RIMS2: variants seen among roughly 807,000 people sequenced by gnomAD.
RIMS2 encodes regulating synaptic membrane exocytosis 2.
A neutral mutation model predicts 174.4 loss-of-function variants in RIMS2; 59 were observed. The ratio of observed to expected loss-of-function variants is 0.34; its 90% CI spans 0.27 to 0.42. The LOEUF (loss-of-function observed/expected upper bound fraction) is 0.42. Ranked by LOEUF, RIMS2 falls within the 10% of genes least tolerant of loss-of-function variation. The probability of loss-of-function intolerance (pLI) is 1.00; values close to 1 mark genes in which losing one functional copy is unlikely to be tolerated. For synonymous variants in RIMS2, 606 were observed against 572.5 expected, an observed-to-expected ratio of 1.06 and a Z score of -0.84; for missense variants, 1,620 against 1,666.3, an observed-to-expected ratio of 0.97 and a Z score of 0.48.
At chr8:104,036,142 T>C (rs1335734035) in intron 19 of RIMS2, among the ~76,000 whole-genome samples, 1 of 79,600 alleles carries the variant, frequency 1.3e-5, no homozygotes. Flanking sequence ...ATTTTATTTA[T>C]TTATTTATTT....
intron 1 of RIMS2, 148 bp downstream of exon 2, chr8:103,652,385 T>A: frequency 2.1e-6 from 1 of 480,830 alleles, no homozygotes; most frequent in Non-Finnish European, 3.7e-6. Flanking sequence ...GAGAGCTGCT[T>A]GCAGCTTCTT....
At chr8:104,036,616 T>C (rs1203334483) in intron 19 of RIMS2, among the ~76,000 whole-genome samples, 1 of 151,938 alleles carries the variant, frequency 6.6e-6, no homozygotes, top group Admixed American at 6.6e-5. Flanking sequence ...CAAGAGCTCA[T>C]ACCTGTAATC....
At chr8:103,754,438 A>C (rs1157086219) in intron 2 of RIMS2, among the ~76,000 whole-genome samples, 1 of 152,184 alleles carries the variant, frequency 6.6e-6, no homozygotes, top group Non-Finnish European at 1.5e-5. Context: ...GTAGATGTCT[A>C]TTAAGTCCGC....
At chr8:103,886,223 G>A in exon 4 of RIMS2, 1 of 1,603,506 alleles carries the variant, frequency 6.2e-7, no homozygotes, top group Admixed American at 1.7e-5. Flanking sequence ...AAGTGAAAAA[G>A]GTAAGCTTTC....
intron 1 of RIMS2, among the ~76,000 whole-genome samples, chr8:103,689,450 G>A (rs1319785334): frequency 6.6e-6 from 1 of 152,016 alleles, no homozygotes; most frequent in Non-Finnish European, 1.5e-5. Flanking sequence ...GCTGAAAGTG[G>A]GGTTTTGAAG....
intron 3 of RIMS2, among the ~76,000 whole-genome samples, chr8:103,816,442 A>G (rs1189553849): frequency 6.6e-6 from 1 of 152,340 alleles, no homozygotes; most frequent in Non-Finnish European, 1.5e-5. Flanking sequence ...GAATGAGACA[A>G]GAATGCAGGA....
intron 1 of RIMS2, among the ~76,000 whole-genome samples, chr8:103,556,924 C>T (rs923487002): frequency 1.2e-4 from 19 of 152,058 alleles, no homozygotes; most frequent in Middle Eastern, 3.4e-3. Context: ...TGGATCATGG[C>T]GGGGACCTAA....
intron 2 of RIMS2, among the ~76,000 whole-genome samples, chr8:103,697,512 T>C (rs985536237): frequency 6.0e-5 from 9 of 148,762 alleles, no homozygotes; most frequent in Non-Finnish European, 1.2e-4. Context: ...AGTTCTAGAC[T>C]ATCTTGGGCA....
chr8:103,575,087 A>G (rs2132510980), intron 1 of RIMS2, among the ~76,000 whole-genome samples: 1 of 152,336 alleles, frequency 6.6e-6, no homozygotes, highest in Non-Finnish European at 1.5e-5. Context: ...TAAAACTCAC[A>G]CAAATCAGTA....
intron 1 of RIMS2, among the ~76,000 whole-genome samples, chr8:103,552,131 T>C: frequency 6.6e-6 from 1 of 151,886 alleles, no homozygotes; most frequent in Non-Finnish European, 1.5e-5. Flanking sequence ...CAAAAAAGAT[T>C]CCATATTGGC....
At chr8:103,906,416 T>C (rs1331944492) in intron 4 of RIMS2, among the ~76,000 whole-genome samples, 8 of 152,112 alleles carry the variant, frequency 5.3e-5, no homozygotes, top group Admixed American at 3.3e-4. Flanking sequence ...CAGCTAGTTT[T>C]CGTATTTTTA....
intron 1 of RIMS2, among the ~76,000 whole-genome samples, chr8:103,648,926 T>G (rs925722455): frequency 2.6e-5 from 4 of 152,204 alleles, no homozygotes; most frequent in Non-Finnish European, 5.9e-5. Context: ...ATTGGGGCAT[T>G]TAGCCCATTT....
intron 1 of RIMS2, among the ~76,000 whole-genome samples, chr8:103,546,701 GA>G (rs1331453122): frequency 1.3e-5 from 2 of 152,128 alleles, no homozygotes; most frequent in Non-Finnish European, 2.9e-5. Context: ...ACAGCTCAAT[GA>G]AAATAGAAAT....
chr8:104,224,762 A>C (rs764487452), intron 19 of RIMS2, among the ~76,000 whole-genome samples: 22 of 152,174 alleles, frequency 1.4e-4, no homozygotes, highest in Non-Finnish European at 2.9e-4. Context: ...AACAGATTGA[A>C]ATATTTTTTT....
At chr8:103,552,593 A>G (rs1279976425) in intron 1 of RIMS2, among the ~76,000 whole-genome samples, 1 of 152,254 alleles carries the variant, frequency 6.6e-6, no homozygotes, top group East Asian at 1.9e-4. Flanking sequence ...GCCAAAATAG[A>G]CAAATGGGAT....
At chr8:103,805,367 C>T (rs962225399) in intron 3 of RIMS2, among the ~76,000 whole-genome samples, 20 of 148,184 alleles carry the variant, frequency 1.3e-4, no homozygotes, top group Admixed American at 1.3e-3. Context: ...TAGTAAGCTG[C>T]AGCTACTCTT....
At chr8:103,969,867 G>A (rs929054214) in intron 15 of RIMS2, among the ~76,000 whole-genome samples, 8 of 152,162 alleles carry the variant, frequency 5.3e-5, no homozygotes, top group Non-Finnish European at 1.0e-4. Context: ...CCCAGCTTCA[G>A]CCTCCTTACT....
chr8:103,570,641 T>C (rs1723535571), intron 1 of RIMS2, among the ~76,000 whole-genome samples: 1 of 152,208 alleles, frequency 6.6e-6, no homozygotes, highest in Non-Finnish European at 1.5e-5. Context: ...GTTGTTAGCA[T>C]GATCCCTGAT....
intron 1 of RIMS2, among the ~76,000 whole-genome samples, chr8:103,621,959 G>GGTAACCAAAATATCA (rs2095645390): frequency 2.0e-5 from 3 of 152,016 alleles, no homozygotes; most frequent in Admixed American, 2.0e-4. Context: ...AAAATAATTG[G>GGTAACCAAAATATCA]TTCCAAAATG....
Sources: allele counts gnomAD v4.1 joint callset (sites outside exome capture counted in the v4.1 genomes callset), GRCh38; gene constraint gnomAD v4.1.1; transcripts MANE v1.5; gene names NCBI Gene and HGNC (gene_info 2026-07-23, HGNC 2026-07-21).